RPGRIP1L: variants seen among roughly 807,000 people sequenced by gnomAD.
RPGRIP1L encodes protein fantom.
A neutral mutation model predicts 160.4 loss-of-function variants in RPGRIP1L; 131 were observed. That is an observed-to-expected ratio of 0.82 (90% CI 0.71 to 0.94). The LOEUF (loss-of-function observed/expected upper bound fraction) is 0.94. RPGRIP1L is among the 40% of genes least tolerant of loss of function. RPGRIP1L has a pLI of 0.00. For missense variants in RPGRIP1L, 1,522 were observed against 1,535.8 expected (o/e 0.99, Z 0.15); for synonymous variants, 510 against 515.8 (o/e 0.99, Z 0.15).
intron 2 of RPGRIP1L, among the ~76,000 whole-genome samples, chr16:53,698,558 C>T (rs1463184780): frequency 3.4e-5 from 5 of 146,558 alleles, no homozygotes; most frequent in South Asian, 2.2e-4. Context: ...GTCAGCCCCC[C>T]GCCCGGCCAG....
In RPGRIP1L at chr16:53,672,995, T is replaced by C. The variant is rs1376861368; in HGVS notation, c.904A>G (p.Ser302Gly). 1 of 1,613,046 alleles carries C rather than the reference T, an allele frequency of 6.2e-7. No homozygotes were observed. The highest frequency in any genetic ancestry group is 1.3e-5 in the African/African-American group (1 of 74,908). Residue 302 changes from serine to glycine, a missense_variant, in exon 8 of 27, where the codon AGC becomes GGC. By Grantham distance (56) the Ser-to-Gly change is moderately conservative. Coordinates refer to ENST00000647211, the MANE Select transcript of RPGRIP1L (RefSeq NM_015272.5). Reference sequence around the variant, plus strand: ...CCATTTGCCATCAAAGCATCGTGGCTGATTCTGAGAGTTCTTTGCTTCTAA... The same window carrying C: ...CCATTTGCCATCAAAGCATCGTGGCCGATTCTGAGAGTTCTTTGCTTCTAA... Reference protein sequence around the residue: ...LQEKQRTLRISHDALMANGDE... With the variant: ...LQEKQRTLRIGHDALMANGDE...
chr16:53,664,980 C>CA lies in RPGRIP1L; in HGVS notation c.1132dup (p.Trp378LeufsTer22). ...TTTCAGCTGTTGCTCCTTTAACTTC[C>CA]ATTGCTCTTCATGGGCAGCACTGAA... On this transcript the variant is annotated frameshift_variant, in exon 10 of 27. Transcript: ENST00000647211. LOFTEE classifies it high-confidence loss of function. The CA allele has an allele frequency of 6.2e-7, 1 of 1,613,678 alleles. No homozygotes were observed. The highest frequency in any genetic ancestry group is 8.5e-7 in the Non-Finnish European group (1 of 1,179,916).
chr16:53,629,737 A>AT (rs980572208), intron 22 of RPGRIP1L, among the ~76,000 whole-genome samples: 57 of 151,528 alleles, frequency 3.8e-4, no homozygotes, highest in Non-Finnish European at 7.7e-4. Context: ...TGAGTTGGCA[A>AT]TTTTTTTTTC....
chr16:53,643,281 C>A (rs1245062926), intron 17 of RPGRIP1L, among the ~76,000 whole-genome samples: 4 of 149,852 alleles, frequency 2.7e-5, no homozygotes, highest in Admixed American at 6.7e-5. Flanking sequence ...GCATTCCAGC[C>A]TGGGCGACAG....
At chr16:53,617,638 A>T (rs915650912) in intron 24 of RPGRIP1L, among the ~76,000 whole-genome samples, 1 of 152,220 alleles carries the variant, frequency 6.6e-6, no homozygotes, top group South Asian at 2.1e-4. Context: ...CTTTTCAAAT[A>T]AGAAAACAAG....
chr16:53,619,352 G>A (rs975973999), intron 23 of RPGRIP1L, 144 bp from the exon 24 acceptor site: 4 of 700,164 alleles, frequency 5.7e-6, no homozygotes, highest in African/African-American at 1.8e-5. Flanking sequence ...ACTACTGTAT[G>A]TTACACATGA....
At chr16:53,660,991 T>C (rs1967745533) in intron 10 of RPGRIP1L, among the ~76,000 whole-genome samples, 1 of 151,000 alleles carries the variant, frequency 6.6e-6, no homozygotes, top group Admixed American at 6.6e-5. Context: ...TTATATCTAG[T>C]TTACTAAAGA....
At chr16:53,688,175 C>A (rs141447378) in intron 4 of RPGRIP1L, among the ~76,000 whole-genome samples, 1 of 152,082 alleles carries the variant, frequency 6.6e-6, no homozygotes, top group East Asian at 1.9e-4. Flanking sequence ...GCAAGTATTG[C>A]TCATTTTACA....
In RPGRIP1L at chr16:53,658,407, A is replaced by C. The variant is rs1389218357; in HGVS notation, c.1401+7T>G. On this transcript the variant is annotated splice_region_variant and intron_variant, in intron 12 of 26. Transcript: ENST00000647211. ...CATGAAAATCACGATGAAGTTCAGA[A>C]CCTTACCTTTATAAGTAGGAGAGCT... is the stretch of plus-strand genomic sequence containing the variant. The C allele has an allele frequency of 3.1e-6, 5 of 1,604,712 alleles. No individual in the cohort carries two copies. Among genetic ancestry groups the C allele is most frequent in the Non-Finnish European group, 4.3e-6 (5 of 1,171,646 alleles).
chr16:53,666,602 ATAT>A (rs1968287437), intron 9 of RPGRIP1L, among the ~76,000 whole-genome samples: 1 of 141,716 alleles, frequency 7.1e-6, no homozygotes, highest in Non-Finnish European at 1.5e-5. Flanking sequence ...GTATATATAT[ATAT>A]ATGTATGTAT....
At chr16:53,625,631 G>A (rs897183498) in intron 22 of RPGRIP1L, among the ~76,000 whole-genome samples, 36 of 152,182 alleles carry the variant, frequency 2.4e-4, no homozygotes, top group African/African-American at 5.1e-4. Flanking sequence ...CCGCCACCCC[G>A]TCTGGGACGT....
chr16:53,666,469 G>A (rs1212242713), intron 9 of RPGRIP1L, among the ~76,000 whole-genome samples: 1 of 151,648 alleles, frequency 6.6e-6, no homozygotes, highest in East Asian at 1.9e-4. Context: ...TCCTTTTTAT[G>A]TTTGTTTTTA....
At chr16:53,663,381 C>T (rs192388444) in intron 10 of RPGRIP1L, among the ~76,000 whole-genome samples, 2 of 152,044 alleles carry the variant, frequency 1.3e-5, no homozygotes, top group East Asian at 3.9e-4. Flanking sequence ...TTCAGATATC[C>T]AAAAGATAAC....
intron 24 of RPGRIP1L, among the ~76,000 whole-genome samples, chr16:53,617,198 A>G (rs1222450607): frequency 6.6e-6 from 1 of 151,922 alleles, no homozygotes; most frequent in Non-Finnish European, 1.5e-5. Context: ...TGAGCTAAAG[A>G]AAGATTTGTA....
At position 53,698,543 on chromosome 16, in the gene RPGRIP1L, GA is replaced by G. The variant is rs1287545797; in HGVS notation, c.85+2095del. On this transcript the variant is annotated intron_variant, in intron 2 of 26. Coordinates refer to ENST00000647211, the MANE Select transcript of RPGRIP1L (RefSeq NM_015272.5). ...AGCCGCCCCGTCTGGGAGGGAGGTG[GA>G]GGGGTCAGCCCCCCGCCCGGCCAGC... Among the ~76,000 whole-genome samples, 3 of 145,082 alleles carry G rather than the reference GA, an allele frequency of 2.1e-5. No homozygotes were observed. In the East Asian group the frequency reaches 6.5e-4, roughly 31 times the overall value.
At chr16:53,613,059 C>T (rs530787593) in intron 24 of RPGRIP1L, among the ~76,000 whole-genome samples, 1 of 152,294 alleles carries the variant, frequency 6.6e-6, no homozygotes, top group South Asian at 2.1e-4. Flanking sequence ...TCTCAAGATT[C>T]ATACATCTTG....
intron 22 of RPGRIP1L, among the ~76,000 whole-genome samples, chr16:53,625,390 G>C (rs1372212263): frequency 6.7e-6 from 1 of 149,560 alleles, no homozygotes; most frequent in African/African-American, 2.5e-5. Flanking sequence ...CTGGGAACTG[G>C]GGGGGGCGCC....
rs1391031260 is a variant in RPGRIP1L at position 53,636,564 on chromosome 16, T to C, written c.3221-52A>G. On this transcript the variant is annotated intron_variant, in intron 21 of 26. Coordinates refer to ENST00000647211, the MANE Select transcript of RPGRIP1L (RefSeq NM_015272.5). The stretch of plus-strand genomic sequence containing the variant: ...TTACACAAGTTAAACCAATTCTACT[T>C]ATACCCTGTAAAATAAAGAGAAACA... The C allele has an allele frequency of 2.5e-6, 3 of 1,220,954 alleles. No individual in the cohort carries two copies. In the African/African-American group the frequency reaches 4.5e-5, roughly 18 times the overall value. 75.6% of individuals were successfully genotyped at this position (1,220,954 alleles called of 1,614,324 possible).
At chr16:53,648,599 T>C (rs1171997246) in intron 16 of RPGRIP1L, among the ~76,000 whole-genome samples, 2 of 145,278 alleles carry the variant, frequency 1.4e-5, no homozygotes, top group African/African-American at 2.5e-5. Context: ...TAATTGCACA[T>C]ATACGTACGC....
Sources: allele counts gnomAD v4.1 joint callset (sites outside exome capture counted in the v4.1 genomes callset), GRCh38; gene constraint gnomAD v4.1.1; transcripts MANE v1.5; gene names NCBI Gene and HGNC (gene_info 2026-07-23, HGNC 2026-07-21).